The following ANKRD30B variants were observed in gnomAD, a reference collection of about 807,000 sequenced individuals.
ANKRD30B encodes ankyrin repeat domain-containing protein 30B.
A neutral mutation model predicts 202.2 loss-of-function variants in ANKRD30B; 144 were observed. The observed-to-expected ratio is 0.71, with a 90% confidence interval of 0.62 to 0.82. The LOEUF (loss-of-function observed/expected upper bound fraction) is 0.82, where lower values mean the gene tolerates loss of function less well. Ranked by LOEUF, ANKRD30B falls within the 40% of genes least tolerant of loss-of-function variation. The pLI, the probability that ANKRD30B is intolerant of heterozygous loss-of-function variation, is 0.00. For synonymous variants in ANKRD30B, 508 were observed against 561.3 expected (o/e 0.91, Z 1.34); for missense variants, 1,487 against 1,669.1 (o/e 0.89, Z 1.90).
chr18:14,819,027 T>A (rs1236286935), intron 30 of ANKRD30B, among the ~76,000 whole-genome samples: 1 of 152,152 alleles, frequency 6.6e-6, no homozygotes, highest in Non-Finnish European at 1.5e-5. Flanking sequence ...GCACCTGTGG[T>A]TTTCTGACTT....
the ANKRD30B span, among the ~76,000 whole-genome samples, chr18:14,924,715 T>C: frequency 6.6e-6 from 1 of 152,234 alleles, no homozygotes; most frequent in African/African-American, 2.4e-5. Flanking sequence ...ACTTTGGTTT[T>C]CAACCCCAGT....
At chr18:14,917,106 AGG>A in the ANKRD30B span, among the ~76,000 whole-genome samples, 9 of 152,198 alleles carry the variant, frequency 5.9e-5, no homozygotes, top group Non-Finnish European at 8.8e-5. Flanking sequence ...CTCTGTCCTC[AGG>A]CTTCAGCTGG....
intron 9 of ANKRD30B, among the ~76,000 whole-genome samples, chr18:14,772,904 C>T (rs1329499723): frequency 6.6e-6 from 1 of 151,938 alleles, no homozygotes; most frequent in Non-Finnish European, 1.5e-5. Context: ...ATTGCTTGAG[C>T]CCAAGAGTTT....
At chr18:14,821,106 C>A (rs1380499537) in intron 30 of ANKRD30B, among the ~76,000 whole-genome samples, 1 of 152,058 alleles carries the variant, frequency 6.6e-6, no homozygotes, top group Non-Finnish European at 1.5e-5. Flanking sequence ...GTGTGTGTAT[C>A]GAGGAATTTA....
chr18:14,862,929 T>C, the ANKRD30B span, among the ~76,000 whole-genome samples: 4 of 152,256 alleles, frequency 2.6e-5, no homozygotes, highest in African/African-American at 9.6e-5. Context: ...CTGAGGCCTG[T>C]TGCCCCTTTC....
rs117070922 is a variant in ANKRD30B at position 14,750,119 on chromosome 18, T to C, written c.221+1479T>C. On this transcript the variant is annotated intron_variant, in intron 1 of 43. Transcript: ENST00000690538. ...TAGTAAAACAAAAATTAAATCACCC[T>C]GCATATGAGAAAAAATAAAAGGCAG... Among the ~76,000 whole-genome samples, 679 of 152,232 alleles carry C rather than the reference T, an allele frequency of 4.5e-3. 17 individuals carry two copies. In the East Asian group the frequency reaches 0.082, roughly 18 times the overall value.
intron 33 of ANKRD30B, among the ~76,000 whole-genome samples, chr18:14,829,486 A>G (rs950210379): frequency 1.3e-5 from 2 of 152,218 alleles, no homozygotes; most frequent in African/African-American, 4.8e-5. Flanking sequence ...AGAAGTAGAT[A>G]AGAATGGAAT....
At chr18:14,830,914 G>A (rs930481382) in intron 33 of ANKRD30B, among the ~76,000 whole-genome samples, 2 of 152,140 alleles carry the variant, frequency 1.3e-5, no homozygotes, top group Non-Finnish European at 1.5e-5. Context: ...CGGGCGCGGT[G>A]GCTCACGCCT....
chr18:14,938,055 G>A, the ANKRD30B span, among the ~76,000 whole-genome samples: 1 of 152,096 alleles, frequency 6.6e-6, no homozygotes, highest in East Asian at 1.9e-4. Context: ...ATCTTCCCAG[G>A]TATGAAACTG....
At chr18:14,928,915 C>T in the ANKRD30B span, among the ~76,000 whole-genome samples, 1,634 of 152,298 alleles carry the variant, frequency 0.011, 41 homozygotes, top group African/African-American at 0.037. Flanking sequence ...TTTGGTCATG[C>T]GTCTCTATTC....
At chr18:14,831,567 T>C (rs1970941167) in intron 34 of ANKRD30B, 112 bp downstream of exon 34, 1 of 542,862 alleles carries the variant, frequency 1.8e-6, no homozygotes, top group African/African-American at 2.0e-5. Context: ...GTTGGTAATA[T>C]AAAGTTGGTC....
intron 30 of ANKRD30B, among the ~76,000 whole-genome samples, chr18:14,818,659 G>A (rs374308031): frequency 2.6e-5 from 4 of 151,662 alleles, no homozygotes; most frequent in Admixed American, 6.6e-5. Context: ...ATGATTTCCA[G>A]TTTCATCCAT....
At chr18:14,837,865 A>G (rs1405079222) in intron 36 of ANKRD30B, among the ~76,000 whole-genome samples, 189 bp downstream of exon 36, 2 of 152,078 alleles carry the variant, frequency 1.3e-5, no homozygotes, top group African/African-American at 2.4e-5. Flanking sequence ...AATACAAAAA[A>G]TTTAGCTGGG....
At chr18:14,792,587 T>C (rs560196101) in intron 16 of ANKRD30B, among the ~76,000 whole-genome samples, 318 of 151,462 alleles carry the variant, frequency 2.1e-3, no homozygotes, top group Middle Eastern at 3.4e-3. Context: ...ATGGAGTGAA[T>C]TCACTTCGGA....
rs997627020 is a variant in ANKRD30B at position 14,748,301 on chromosome 18, G to C, written c.-119G>C. 2.9e-5 allele frequency: 23 copies of C among 799,774 alleles called. No individual in the cohort carries two copies. In the African/African-American group the frequency reaches 3.5e-4, roughly 12 times the overall value. The allele number at this position is 799,774 out of a possible 1,614,324, so 49.5% of individuals were successfully genotyped here. ...GGGGCGGGTGCGGGAACTGAAGACG[G>C]GCGAGTGCGAGCCGGGGGCGGGTGC... On this transcript the variant is annotated 5_prime_UTR_variant, in exon 1 of 44. Coordinates refer to ENST00000690538, the MANE Select transcript of ANKRD30B (RefSeq NM_001367607.2).
chr18:14,787,380 C>T (rs762754508), intron 15 of ANKRD30B, among the ~76,000 whole-genome samples: 4 of 152,176 alleles, frequency 2.6e-5, no homozygotes, highest in East Asian at 3.9e-4. Flanking sequence ...ATCTGAAGTA[C>T]GTTTGTCTAA....
chr18:14,936,610 T>C, the ANKRD30B span, among the ~76,000 whole-genome samples: 1 of 152,142 alleles, frequency 6.6e-6, no homozygotes, highest in Non-Finnish European at 1.5e-5. Context: ...ACCAGGGCTG[T>C]GAGGGAGACT....
At chr18:14,932,235 T>A in the ANKRD30B span, among the ~76,000 whole-genome samples, 1 of 151,652 alleles carries the variant, frequency 6.6e-6, no homozygotes, top group Non-Finnish European at 1.5e-5. Flanking sequence ...TGGCGTCAGG[T>A]CTGAGTCCTG....
intron 30 of ANKRD30B, among the ~76,000 whole-genome samples, chr18:14,820,645 G>A (rs1970367605): frequency 6.6e-6 from 1 of 152,142 alleles, no homozygotes; most frequent in Non-Finnish European, 1.5e-5. Flanking sequence ...CTTTGGCTCT[G>A]TTTATATGCT....
Sources: allele counts gnomAD v4.1 joint callset (sites outside exome capture counted in the v4.1 genomes callset), GRCh38; gene constraint gnomAD v4.1.1; transcripts MANE v1.5; gene names NCBI Gene and HGNC (gene_info 2026-07-23, HGNC 2026-07-21).